SPON1: variants seen among roughly 807,000 people sequenced by gnomAD.
SPON1 encodes the protein spondin-1.
A neutral mutation model predicts 111.7 loss-of-function variants in SPON1; 52 were observed. The observed-to-expected ratio is 0.47, with a 90% confidence interval of 0.37 to 0.59. The LOEUF (loss-of-function observed/expected upper bound fraction) is 0.59. Ranked by LOEUF, SPON1 falls within the 20% of genes least tolerant of loss-of-function variation. The pLI, the probability that SPON1 is intolerant of heterozygous loss-of-function variation, is 0.00. For synonymous variants in SPON1, 410 were observed against 395.8 expected (o/e 1.04, Z -0.43); for missense variants, 957 against 1,068.5 (o/e 0.90, Z 1.46).
At chr11:14,229,010 G>A (rs185303175) in intron 6 of SPON1, among the ~76,000 whole-genome samples, 1 of 152,062 alleles carries the variant, frequency 6.6e-6, no homozygotes, top group Non-Finnish European at 1.5e-5. Context: ...GAAAGAGGAA[G>A]GTTAGGAAGC....
intron 6 of SPON1, among the ~76,000 whole-genome samples, chr11:14,154,018 CA>C (rs1310898173): frequency 6.6e-6 from 1 of 152,224 alleles, no homozygotes; most frequent in Non-Finnish European, 1.5e-5. Context: ...GATGGGCTCT[CA>C]AGGCCTTGGG....
intron 7 of SPON1, among the ~76,000 whole-genome samples, chr11:14,251,795 G>A (rs779854864): frequency 6.6e-6 from 1 of 152,196 alleles, no homozygotes; most frequent in Admixed American, 6.5e-5. Context: ...GTCCCTAGGC[G>A]AGGTAATGCC....
chr11:14,071,872 T>C (rs782013520), intron 3 of SPON1, among the ~76,000 whole-genome samples: 5 of 152,112 alleles, frequency 3.3e-5, no homozygotes, highest in Non-Finnish European at 5.9e-5. Context: ...CTAATTTTTG[T>C]ATTTTTGGTA....
At chr11:14,097,583 C>A (rs904133261) in intron 5 of SPON1, among the ~76,000 whole-genome samples, 2 of 152,090 alleles carry the variant, frequency 1.3e-5, no homozygotes, top group Non-Finnish European at 2.9e-5. Flanking sequence ...ACCTAATATT[C>A]CTTGGGTTAC....
intron 6 of SPON1, among the ~76,000 whole-genome samples, chr11:14,166,969 G>A (rs1457163701): frequency 2.0e-5 from 3 of 151,928 alleles, no homozygotes; most frequent in East Asian, 3.9e-4. Context: ...AATATTTTAG[G>A]GCAGCCACAG....
intron 6 of SPON1, among the ~76,000 whole-genome samples, chr11:14,209,477 G>A (rs11023143): frequency 0.13 from 18,992 of 151,862 alleles, 1,401 homozygotes; most frequent in South Asian, 0.23. Flanking sequence ...TGTTCTCATT[G>A]TTCAATTCCC....
chr11:14,001,412 T>C (rs1554912427), intron 2 of SPON1, among the ~76,000 whole-genome samples: 1 of 152,122 alleles, frequency 6.6e-6, no homozygotes, highest in African/African-American at 2.4e-5. Context: ...GCCAGATGCT[T>C]CTCCCTAACA....
intron 2 of SPON1, among the ~76,000 whole-genome samples, chr11:13,992,094 G>A (rs1304901903): frequency 6.6e-6 from 1 of 151,340 alleles, no homozygotes; most frequent in South Asian, 2.1e-4. Context: ...TGCTGTGCTG[G>A]GAGGTCCACT....
chr11:14,176,654 G>A (rs1453633660), intron 6 of SPON1, among the ~76,000 whole-genome samples: 2 of 152,176 alleles, frequency 1.3e-5, no homozygotes, highest in African/African-American at 4.8e-5. Context: ...GTACAGTTAA[G>A]GGACATCTCA....
At chr11:14,250,099 A>G (rs1849036325) in intron 7 of SPON1, among the ~76,000 whole-genome samples, 2 of 152,178 alleles carry the variant, frequency 1.3e-5, no homozygotes, top group African/African-American at 4.8e-5. Context: ...TTTTCTACAT[A>G]TTTGGATTAA....
chr11:14,071,080 C>A (rs1305599617), intron 3 of SPON1, among the ~76,000 whole-genome samples: 1 of 152,072 alleles, frequency 6.6e-6, no homozygotes. Context: ...AGAAATTTGT[C>A]ATTTTGAAAT....
At chr11:14,097,993 G>A (rs1554924042) in intron 5 of SPON1, among the ~76,000 whole-genome samples, 1 of 152,034 alleles carries the variant, frequency 6.6e-6, no homozygotes, top group East Asian at 1.9e-4. Context: ...TTTAATGGGT[G>A]TTGCATTTTT....
intron 6 of SPON1, among the ~76,000 whole-genome samples, chr11:14,157,709 CT>C (rs1348643314): frequency 2.0e-5 from 3 of 151,928 alleles, no homozygotes; most frequent in Non-Finnish European, 4.4e-5. Flanking sequence ...GCTTCTTATG[CT>C]TTTTTTGTAT....
chr11:14,000,843 C>T (rs1554912365), intron 2 of SPON1, among the ~76,000 whole-genome samples: 2 of 152,162 alleles, frequency 1.3e-5, no homozygotes, highest in South Asian at 2.1e-4. Context: ...TTAGTGACAA[C>T]ATAGCCACTC....
chr11:14,065,195 G>T (rs1012791245), intron 3 of SPON1, among the ~76,000 whole-genome samples: 1 of 152,198 alleles, frequency 6.6e-6, no homozygotes, highest in Non-Finnish European at 1.5e-5. Context: ...GAAGGCAGGT[G>T]GCCCGCCCTC....
chr11:14,080,802 G>A lies in SPON1; in HGVS notation c.676+781G>A, dbSNP rs532120685. ...GCCACCTTGAAATCCCTTCATGAGG[G>A]GCCAAGCATGGTGGCTCAAGCCTGT... On this transcript the variant is annotated intron_variant, in intron 5 of 15. Coordinates refer to ENST00000576479, the MANE Select transcript of SPON1 (RefSeq NM_006108.4). Among the ~76,000 whole-genome samples the A allele has an allele frequency of 3.9e-5, 6 of 152,196 alleles. No homozygotes were observed. The East Asian group carries it at 9.7e-4, about 24-fold the overall frequency.
chr11:14,022,084 TTA>T (rs1848485020), intron 2 of SPON1, among the ~76,000 whole-genome samples: 1 of 152,206 alleles, frequency 6.6e-6, no homozygotes, highest in South Asian at 2.1e-4. Flanking sequence ...AAGTTTGACC[TTA>T]CCGTTTGGAA....
rs1847987845 is a variant in SPON1, at chr11:13,963,122, A to G, written c.218A>G (p.Lys73Arg). 10 of 1,520,266 alleles carry G rather than the reference A, an allele frequency of 6.6e-6. No individual in the cohort carries two copies. Among genetic ancestry groups the G allele is most frequent in the Non-Finnish European group, 8.8e-6 (10 of 1,133,392 alleles). 94.2% of individuals were successfully genotyped at this position (1,520,266 alleles called of 1,614,324 possible). Reference protein sequence around the residue: ...LRVEGDPDFYKPGTSYRVTLS... With the variant: ...LRVEGDPDFYRPGTSYRVTLS... The stretch of plus-strand genomic sequence containing the variant: ...GTGGAGGGCGACCCCGACTTCTACA[A>G]GCCGGGAACCAGCTACCGCGGTAAG... Residue 73 changes from lysine (K) to arginine (R), a missense_variant, in exon 1 of 16, where the codon AAG becomes AGG. Around this residue, in one of 5 missense-constraint regions of SPON1, gnomAD observed 262 missense variants for 253.9 expected, o/e 1.03. Coordinates refer to ENST00000576479, the MANE Select transcript of SPON1 (RefSeq NM_006108.4).
At chr11:14,003,408 G>A (rs951063691) in intron 2 of SPON1, among the ~76,000 whole-genome samples, 3 of 152,132 alleles carry the variant, frequency 2.0e-5, no homozygotes, top group African/African-American at 7.2e-5. Context: ...AGGGGTCCAG[G>A]GTATGGAGTT....
Sources: allele counts gnomAD v4.1 joint callset (sites outside exome capture counted in the v4.1 genomes callset), GRCh38; gene constraint gnomAD v4.1.1; regional missense constraint gnomAD v4.1.1; transcripts MANE v1.5; gene names NCBI Gene and HGNC (gene_info 2026-07-23, HGNC 2026-07-21).